PAH: variants seen among roughly 807,000 people sequenced by gnomAD.
PAH encodes phenylalanine hydroxylase.
In PAH, 64 loss-of-function variants were observed where a neutral mutation model predicts 62.0. The observed-to-expected ratio is 1.03, with a 90% CI of 0.84 to 1.27. The LOEUF (loss-of-function observed/expected upper bound fraction) is 1.27, where lower values mean the gene tolerates loss of function less well. PAH is among the 50% of genes most tolerant of loss of function. The pLI, the probability that PAH is intolerant of heterozygous loss-of-function variation, is 0.00. For synonymous variants in PAH, 195 were observed against 196.2 expected (o/e 0.99, Z 0.05); for missense variants, 579 against 542.8 (o/e 1.07, Z -0.66).
chr12:102,843,408 G>C (rs1477433303), intron 11 of PAH, among the ~76,000 whole-genome samples: 1 of 152,084 alleles, frequency 6.6e-6, no homozygotes, highest in African/African-American at 2.4e-5. Context: ...TCAGTGTCTT[G>C]ACTTGGTGGT....
At chr12:102,949,601 A>G (rs996896864) in intron 1 of PAH, among the ~76,000 whole-genome samples, 1 of 152,180 alleles carries the variant, frequency 6.6e-6, no homozygotes, top group Admixed American at 6.5e-5. Context: ...CCTAACAGTA[A>G]CGTGTCAAAG....
chr12:102,852,700 G>A (rs755979714), intron 7 of PAH, 115 bp downstream of exon 7: 38 of 1,300,808 alleles, frequency 2.9e-5, no homozygotes, highest in Non-Finnish European at 4.0e-5. Context: ...CCAGCAAACA[G>A]TCTAGACAAC....
rs187133779 is a variant in PAH, at chr12:102,877,447, G to A, written c.441+15C>T. On this transcript the variant is annotated intron_variant, in intron 4 of 12. Transcript: ENST00000553106. Reference sequence around the variant, plus strand: ...AGGCACTGAAAAAATCTCATCCTACGGGCCATGGACTCACAGGGTGGTCAG... The same window carrying A: ...AGGCACTGAAAAAATCTCATCCTACAGGCCATGGACTCACAGGGTGGTCAG... 44 of 1,598,072 alleles carry A rather than the reference G, an allele frequency of 2.8e-5. No homozygotes were observed. The Admixed American group carries it at 5.5e-4, about 20-fold the overall frequency.
In PAH at chr12:102,839,088, T is replaced by A; in HGVS notation, c.*87A>T. On this transcript the variant is annotated 3_prime_UTR_variant, in exon 13 of 13. Coordinates refer to ENST00000553106, the MANE Select transcript of PAH (RefSeq NM_000277.3). ...TAAGGCTGTTATTTCAAATTAAGGT[T>A]TGCTTTTCGGACTTTTTCTGATGAA... The A allele has an allele frequency of 1.6e-6, 2 of 1,215,400 alleles. No homozygotes were observed. Among genetic ancestry groups the A allele is most frequent in the Non-Finnish European group, 2.4e-6 (2 of 820,134 alleles). 75.3% of individuals were successfully genotyped at this position (1,215,400 alleles called of 1,614,324 possible).
intron 1 of PAH, among the ~76,000 whole-genome samples, chr12:102,932,734 CT>C (rs1171510850): frequency 8.5e-5 from 13 of 152,170 alleles, no homozygotes; most frequent in African/African-American, 2.7e-4. Context: ...GTTTTTCACT[CT>C]TACGGGAACT....
chr12:102,890,205 A>G (rs888754138), intron 3 of PAH, among the ~76,000 whole-genome samples: 4 of 152,228 alleles, frequency 2.6e-5, no homozygotes, highest in Non-Finnish European at 5.9e-5. Flanking sequence ...GTTTAGCTTA[A>G]TTGATTTGAG....
intron 5 of PAH, among the ~76,000 whole-genome samples, chr12:102,861,733 A>C (rs916660946): frequency 6.6e-6 from 1 of 152,204 alleles, no homozygotes; most frequent in African/African-American, 2.4e-5. Flanking sequence ...TCGCAGGGAC[A>C]GAAAACCAAA....
intron 9 of PAH, among the ~76,000 whole-genome samples, chr12:102,846,410 T>C (rs1874845214): frequency 6.6e-6 from 1 of 152,178 alleles, no homozygotes; most frequent in Non-Finnish European, 1.5e-5. Context: ...CTATGTAGAA[T>C]TGCTTCTATA....
At chr12:102,951,563 G>A (rs1205060368), upstream of PAH, among the ~76,000 whole-genome samples, 1 of 152,168 alleles carries the variant, frequency 6.6e-6, no homozygotes, top group African/African-American at 2.4e-5. Context: ...GAATTGGGCT[G>A]AGTAGCATGT....
chr12:102,904,976 A>G (rs1490944797), intron 2 of PAH, among the ~76,000 whole-genome samples: 5 of 152,212 alleles, frequency 3.3e-5, no homozygotes, highest in African/African-American at 1.2e-4. Context: ...AACACTTTAA[A>G]ATAAAAGCTT....
Position 102,929,436 on chromosome 12 carries a change from G to A in PAH, c.-95-12211C>T, listed in dbSNP as rs77246289. On this transcript the variant is annotated intron_variant, in intron 1 of 3. Transcript: ENST00000546844. ...ACCTTCCAGAACCTTCCAGGCAGAAGGAATAGCATGAGCAAAGGTCATATT... is the reference window on the plus strand; with the variant it reads ...ACCTTCCAGAACCTTCCAGGCAGAAAGAATAGCATGAGCAAAGGTCATATT... Among the ~76,000 whole-genome samples, 719 of 152,276 alleles carry A rather than the reference G, an allele frequency of 4.7e-3. 2 individuals are homozygous for A. Among genetic ancestry groups the A allele is most frequent in the African/African-American group, 0.016 (679 of 41,550 alleles).
chr12:102,927,378 C>T (rs1878715093), intron 1 of PAH, among the ~76,000 whole-genome samples: 1 of 150,952 alleles, frequency 6.6e-6, no homozygotes, highest in African/African-American at 2.4e-5. Context: ...TGCAAACTCA[C>T]ACACTCTCTT....
At chr12:102,927,968 G>T (rs1244495118) in intron 1 of PAH, among the ~76,000 whole-genome samples, 1 of 152,074 alleles carries the variant, frequency 6.6e-6, no homozygotes, top group Admixed American at 6.6e-5. Context: ...AAACTATATT[G>T]GATTTCTAGT....
chr12:102,944,766 T>G (rs1879428523), intron 1 of PAH, among the ~76,000 whole-genome samples: 1 of 152,218 alleles, frequency 6.6e-6, no homozygotes, highest in South Asian at 2.1e-4. Context: ...TCTTATTTAG[T>G]TCATTTGGTG....
chr12:102,923,864 C>A (rs534905639), intron 1 of PAH, among the ~76,000 whole-genome samples: 1 of 152,256 alleles, frequency 6.6e-6, no homozygotes, highest in East Asian at 1.9e-4. Flanking sequence ...GGTTATCTCA[C>A]CGTGCAGCCT....
chr12:102,899,858 C>CAAAAA lies in PAH; in HGVS notation c.169-4945_169-4941dup, dbSNP rs1166069532. On this transcript the variant is annotated intron_variant, in intron 2 of 12. Transcript: ENST00000553106. ...TGGGCGACAGAGCGAGACTCCGTCT[C>CAAAAA]AAAAAAAAAAAAAAAAAAAAAAAAA... 5.2e-3 allele frequency among the ~76,000 whole-genome samples: 50 copies of CAAAAA among 9,538 alleles called. 10 individuals carry two copies. The highest frequency in any genetic ancestry group is 0.015 in the African/African-American group (44 of 3,008). 6.3% of individuals were successfully genotyped at this position (9,538 alleles called of 152,430 possible).
rs1041277606 is a variant in PAH, at chr12:102,957,555, G to A, written c.-96+640C>T. ...GGTGGGAGGAAGAGGTAAGAGGAGGGGGGGGAGTGGGGGCTGCAGCCGCTC... is the reference window on the plus strand; with the variant it reads ...GGTGGGAGGAAGAGGTAAGAGGAGGAGGGGGAGTGGGGGCTGCAGCCGCTC... On this transcript the variant is annotated intron_variant, in intron 1 of 4. Transcript: ENST00000551337. This position sits in a 1 kb window ranked among gnomAD's most constrained non-coding sequence, Gnocchi z 4.1. 1 of 150,450 alleles carries A rather than the reference G, an allele frequency of 6.6e-6. No homozygotes were observed. Among genetic ancestry groups the A allele is most frequent in the Non-Finnish European group, 1.5e-5 (1 of 67,402 alleles). The allele number at this position is 150,450 out of a possible 1,614,324, so 9.3% of individuals were successfully genotyped here. A position where few individuals can be genotyped will look rare whatever the true frequency, so the allele number is the denominator to read the frequency against.
intron 1 of PAH, among the ~76,000 whole-genome samples, chr12:102,940,698 C>T (rs907482289): frequency 6.6e-6 from 1 of 152,214 alleles, no homozygotes; most frequent in Non-Finnish European, 1.5e-5. Context: ...TTATGAGTCA[C>T]TGGCATCCCT....
chr12:102,894,814 C>T lies in PAH; in HGVS notation c.273G>A (p.Leu91=). The part of the protein sequence containing the change: ...THLDKRSLPA[L]TNIIKILRHD... ...GCCTCAAGATCTTGATGATGTTTGT[C>T]AGAGCAGGCAGGCTACGTTTATCCA... is the stretch of plus-strand genomic sequence containing the variant. The change falls in exon 3 of 13, where the codon CTG becomes CTA. Residue 91 remains leucine, a synonymous_variant. Transcript: ENST00000553106. 1 of 1,614,002 alleles carries T rather than the reference C, an allele frequency of 6.2e-7. No homozygotes were observed. Among genetic ancestry groups the T allele is most frequent in the Non-Finnish European group, 8.5e-7 (1 of 1,179,976 alleles).
Sources: allele counts gnomAD v4.1 joint callset (sites outside exome capture counted in the v4.1 genomes callset), GRCh38; gene constraint gnomAD v4.1.1; non-coding constraint Gnocchi (gnomAD v3.1); transcripts MANE v1.5; gene names NCBI Gene and HGNC (gene_info 2026-07-23, HGNC 2026-07-21).